Variants in DRG2 observed in about 807,000 individuals in gnomAD.
The protein encoded by DRG2 is developmentally regulated GTP binding protein 2, also known as developmentally-regulated GTP-binding protein 2.
Under a neutral mutation model 53.4 loss-of-function variants are expected in DRG2, and 36 were observed. That is an observed-to-expected ratio of 0.67 (90% CI 0.52 to 0.89). The LOEUF (loss-of-function observed/expected upper bound fraction) is 0.89. DRG2 is among the 40% of genes least tolerant of loss of function. DRG2 has a pLI of 0.00. For missense variants in DRG2, 342 were observed against 481.2 expected (o/e 0.71, Z 2.71); for synonymous variants, 167 against 192.1 (o/e 0.87, Z 1.08).
Position 18,106,712 on chromosome 17 carries a change from A to G in DRG2, c.1008+226A>G, listed in dbSNP as rs192708711. ...GTTTTTTTTTTTTTTTTTTTTTGAG[A>G]CAGGGTCTGGCTCTGTCTCCCACGC... On this transcript the variant is annotated intron_variant, in intron 12 of 12. Transcript: ENST00000225729. Among the ~76,000 whole-genome samples, 390 of 112,804 alleles carry G rather than the reference A, an allele frequency of 3.5e-3. 2 individuals are homozygous for G. Among genetic ancestry groups the G allele is most frequent in the Non-Finnish European group, 5.2e-3 (302 of 58,184 alleles). The allele number at this position is 112,804 out of a possible 152,430, so 74.0% of individuals were successfully genotyped here. A position where few individuals can be genotyped will look rare whatever the true frequency, so the allele number is the denominator to read the frequency against.
At chr17:18,104,027 C>A in intron 10 of DRG2, 138 bp downstream of exon 10, 1 of 817,378 alleles carries the variant, frequency 1.2e-6, no homozygotes, top group Non-Finnish European at 2.0e-6. Context: ...CTTTTCCCTT[C>A]TCAGCACTGG....
rs531149438 is a variant in DRG2, at chr17:18,102,602, C to A, written c.806+605C>A. Among the ~76,000 whole-genome samples, 137 of 119,444 alleles carry A rather than the reference C, an allele frequency of 1.1e-3. 1 individual carries two copies. Among genetic ancestry groups the A allele is most frequent in the African/African-American group, 4.2e-3 (125 of 29,594 alleles). The allele number at this position is 119,444 out of a possible 152,430, so 78.4% of individuals were successfully genotyped here. On this transcript the variant is annotated intron_variant, in intron 9 of 12. Coordinates refer to ENST00000225729, the MANE Select transcript of DRG2 (RefSeq NM_001388.5). The stretch of plus-strand genomic sequence containing the variant: ...TGCCACTGCACTCCAGCCTGGGCGA[C>A]AGAGCAAGACTCCATCTCAAAAAAA...
rs769027752 is a variant in DRG2, at chr17:18,100,551, C to T, written c.541-18C>T. 15 of 1,613,888 alleles carry T rather than the reference C, an allele frequency of 9.3e-6. No homozygotes were observed. The highest frequency in any genetic ancestry group is 1.3e-5 in the Non-Finnish European group (15 of 1,179,840). On this transcript the variant is annotated intron_variant, in intron 6 of 12. Coordinates refer to ENST00000225729, the MANE Select transcript of DRG2 (RefSeq NM_001388.5). This position sits in a 1 kb window ranked among gnomAD's most constrained non-coding sequence, Gnocchi z 4.1. ...CCCCTCGGTCAGCAGTTCTCCCCATCCCTTTCTCCTCTTTCAGCCCAAGAA... is the reference window on the plus strand; with the variant it reads ...CCCCTCGGTCAGCAGTTCTCCCCATTCCTTTCTCCTCTTTCAGCCCAAGAA...
chr17:18,102,061 G>T, intron 9 of DRG2, 64 bp downstream of exon 9: 1 of 1,519,128 alleles, frequency 6.6e-7, no homozygotes, highest in Non-Finnish European at 9.0e-7. Context: ...CAGTCGTCAG[G>T]CCTCCCAGCC....
rs201996071 is a variant in DRG2, at chr17:18,103,785, G to T, written c.807-16G>T. 6.2e-7 allele frequency: 1 copy of T among 1,613,646 alleles called. No individual in the cohort carries two copies. Among genetic ancestry groups the T allele is most frequent in the Non-Finnish European group, 8.5e-7 (1 of 1,179,800 alleles). Reference sequence around the variant, plus strand: ...CACAGGGGCCCCTGCCTGACTGGCCGCCTCCCTCTTTGCAGCTGCGGCATG... The same window carrying T: ...CACAGGGGCCCCTGCCTGACTGGCCTCCTCCCTCTTTGCAGCTGCGGCATG... On this transcript the variant is annotated splice_polypyrimidine_tract_variant and intron_variant, in intron 9 of 12. Coordinates refer to ENST00000225729, the MANE Select transcript of DRG2 (RefSeq NM_001388.5). The surrounding 1 kb of genome is among the most constrained non-coding windows in gnomAD (Gnocchi z 4.4).
At chr17:18,090,661 A>G (rs1311732504) in intron 1 of DRG2, among the ~76,000 whole-genome samples, 1 of 151,646 alleles carries the variant, frequency 6.6e-6, no homozygotes, top group African/African-American at 2.4e-5. Flanking sequence ...CGGCTTCCCA[A>G]AGTGCTGGGA....
chr17:18,096,031 G>A (rs1279657617), intron 2 of DRG2: 4 of 152,200 alleles, frequency 2.6e-5, no homozygotes, highest in African/African-American at 9.6e-5. Flanking sequence ...TCCTTCAGTT[G>A]GGGTGTGTCC....
chr17:18,100,534 T>C lies in DRG2; in HGVS notation c.541-35T>C. The C allele has an allele frequency of 1.2e-6, 2 of 1,613,770 alleles. No individual in the cohort carries two copies. Among genetic ancestry groups the C allele is most frequent in the South Asian group, 2.2e-5 (2 of 91,062 alleles). On this transcript the variant is annotated intron_variant, in intron 6 of 12. Transcript: ENST00000225729. The surrounding 1 kb of genome is among the most constrained non-coding windows in gnomAD (Gnocchi z 4.1). ...TGGGACCATTGCTGTGACCCCTCGG[T>C]CAGCAGTTCTCCCCATCCCTTTCTC...
chr17:18,104,582 C>T (rs745376126), intron 10 of DRG2, 41 bp from the exon 11 acceptor site: 2 of 1,613,298 alleles, frequency 1.2e-6, no homozygotes, highest in South Asian at 2.2e-5. Flanking sequence ...GCAGTGTGGG[C>T]CCTGATGTGT....
chr17:18,106,240 C>T (rs1323123855), intron 11 of DRG2, 193 bp from the exon 12 acceptor site: 1 of 610,260 alleles, frequency 1.6e-6, no homozygotes. Flanking sequence ...GGCAGGGCCA[C>T]CTGCAGCTGT....
intron 9 of DRG2, among the ~76,000 whole-genome samples, chr17:18,102,975 AC>A (rs1197832968): frequency 6.6e-6 from 1 of 152,164 alleles, no homozygotes; most frequent in Admixed American, 6.5e-5. Flanking sequence ...GGCCAACAGT[AC>A]TGAGAGCTCA....
Position 18,103,947 on chromosome 17 carries a change from C to T in DRG2, c.895+58C>T, listed in dbSNP as rs950386611. 3 of 1,562,602 alleles carry T rather than the reference C, an allele frequency of 1.9e-6. No homozygotes were observed. Among genetic ancestry groups the T allele is most frequent in the Admixed American group, 3.3e-5 (2 of 59,872 alleles). ...CTGAGCTTCATCCCTAGAAGGCTGC[C>T]AGGCCGGTGTGTGGTGCCCAGAGAC... On this transcript the variant is annotated intron_variant, in intron 10 of 12. Coordinates refer to ENST00000225729, the MANE Select transcript of DRG2 (RefSeq NM_001388.5). The surrounding 1 kb of genome is among the most constrained non-coding windows in gnomAD (Gnocchi z 4.4).
chr17:18,098,345 C>G lies in DRG2; in HGVS notation c.301C>G (p.Pro101Ala). ...SYEFTTLTCI[P>A]GVIEYKGANI... ...TGAGTTCACCACTCTGACGTGTATT[C>G]CTGGGGTCATTGAAGTAAGTGGGTG... is the stretch of plus-strand genomic sequence containing the variant. The change falls in exon 3 of 13, where the codon CCT becomes GCT. Residue 101 changes from proline to alanine, a missense_variant. Transcript: ENST00000225729. This position sits in a 1 kb window ranked among gnomAD's most constrained non-coding sequence, Gnocchi z 4.1. The G allele has an allele frequency of 6.2e-7, 1 of 1,613,948 alleles. No individual in the cohort carries two copies. Among genetic ancestry groups the G allele is most frequent in the Non-Finnish European group, 8.5e-7 (1 of 1,179,892 alleles).
chr17:18,102,562 A>G (rs923269648), intron 9 of DRG2, among the ~76,000 whole-genome samples: 4 of 146,954 alleles, frequency 2.7e-5, no homozygotes, highest in Non-Finnish European at 5.9e-5. Flanking sequence ...TGGAGGTTGC[A>G]GTGAGCCGAG....
intron 1 of DRG2, 83 bp from the exon 2 acceptor site, chr17:18,093,730 A>C: frequency 6.7e-7 from 1 of 1,497,782 alleles, no homozygotes; most frequent in Non-Finnish European, 9.0e-7. Flanking sequence ...CCCAGCCAGC[A>C]CTTGGCGACA....
chr17:18,101,485 C>A lies in DRG2; in HGVS notation c.632-8C>A, dbSNP rs114524109. On this transcript the variant is annotated splice_region_variant and splice_polypyrimidine_tract_variant and intron_variant, in intron 7 of 12. Transcript: ENST00000225729. Reference sequence around the variant, plus strand: ...GTGCACAGGTTGCCCTTAATCGGAGCCCCTCAGAGATCTTCAATGCAGAAG... The same window carrying A: ...GTGCACAGGTTGCCCTTAATCGGAGACCCTCAGAGATCTTCAATGCAGAAG... 741 of 1,613,474 alleles carry A rather than the reference C, an allele frequency of 4.6e-4. 3 individuals are homozygous for A. In the African/African-American group the frequency reaches 8.5e-3, roughly 19 times the overall value.
chr17:18,103,720 C>T lies in DRG2; in HGVS notation c.807-81C>T, dbSNP rs118144387. 7,351 of 1,358,178 alleles carry T rather than the reference C, an allele frequency of 5.4e-3. 211 individuals are homozygous for T. The East Asian group carries it at 0.088, about 16-fold the overall frequency. 84.1% of individuals were successfully genotyped at this position (1,358,178 alleles called of 1,614,324 possible). On this transcript the variant is annotated intron_variant, in intron 9 of 12. Transcript: ENST00000225729. This position sits in a 1 kb window ranked among gnomAD's most constrained non-coding sequence, Gnocchi z 4.4. ...GGCCACCTGGCCAGTGGAGGTTATC[C>T]GCTCCAATAGTGAGAAGTGGAGACC...
rs899892963 is a variant in DRG2 at position 18,099,469 on chromosome 17, G to A, written c.377-164G>A. ...GGTGTCGGATTTTCTTCTGAAATAA[G>A]TCTCCGTCAGTAAAACATGTGGATT... On this transcript the variant is annotated intron_variant, in intron 4 of 12. Transcript: ENST00000225729. The surrounding 1 kb of genome is among the most constrained non-coding windows in gnomAD (Gnocchi z 4.4). 4.1e-6 allele frequency: 3 copies of A among 731,432 alleles called. No individual in the cohort carries two copies. Among genetic ancestry groups the A allele is most frequent in the Non-Finnish European group, 7.1e-6 (3 of 422,480 alleles). 45.3% of individuals were successfully genotyped at this position (731,432 alleles called of 1,614,324 possible).
Position 18,107,202 on chromosome 17 carries a change from A to G in DRG2, c.1057A>G (p.Met353Val), listed in dbSNP as rs1398531932. The G allele has an allele frequency of 1.2e-6, 2 of 1,613,380 alleles. No homozygotes were observed. Among genetic ancestry groups the G allele is most frequent in the Admixed American group, 1.7e-5 (1 of 60,008 alleles). ...GCAGCGGGTGGGCCTGACCCACACCATGGAGCATGAGGACGTCATCCAGAT... is the reference window on the plus strand; with the variant it reads ...GCAGCGGGTGGGCCTGACCCACACCGTGGAGCATGAGGACGTCATCCAGAT... ...SPQRVGLTHT[M>V]EHEDVIQIVK... Residue 353 changes from methionine to valine, a missense_variant, in exon 13 of 13, where the codon ATG (methionine) becomes GTG (valine). Physicochemically the swap from Met to Val is conservative, Grantham distance 21 (BLOSUM62 1). Transcript: ENST00000225729.
Sources: allele counts gnomAD v4.1 joint callset (sites outside exome capture counted in the v4.1 genomes callset), GRCh38; gene constraint gnomAD v4.1.1; non-coding constraint Gnocchi (gnomAD v3.1); transcripts MANE v1.5; gene names NCBI Gene and HGNC (gene_info 2026-07-23, HGNC 2026-07-21).